Variants in SNAP91 observed in about 807,000 individuals in gnomAD.
The protein encoded by SNAP91 is synaptosome associated protein 91.
A neutral mutation model predicts 100.3 loss-of-function variants in SNAP91; 27 were observed. That is an observed-to-expected ratio of 0.27 (90% CI 0.20 to 0.37). SNAP91 has a LOEUF of 0.37. Ranked by LOEUF, SNAP91 falls within the 10% of genes least tolerant of loss-of-function variation. The pLI is 1.00. For synonymous variants in SNAP91, 404 were observed against 398.6 expected, an observed-to-expected ratio of 1.01 and a Z score of -0.16; for missense variants, 986 against 1,123.7, an observed-to-expected ratio of 0.88 and a Z score of 1.75.
intron 2 of SNAP91, among the ~76,000 whole-genome samples, chr6:83,701,741 C>T (rs2099313955): frequency 6.6e-6 from 1 of 152,150 alleles, no homozygotes; most frequent in African/African-American, 2.4e-5. Flanking sequence ...AGCCACAGCG[C>T]CTGGTGAAAA....
intron 2 of SNAP91, among the ~76,000 whole-genome samples, chr6:83,703,065 T>G (rs1361317558): frequency 6.6e-6 from 1 of 151,786 alleles, no homozygotes; most frequent in African/African-American, 2.4e-5. Flanking sequence ...CAGAAGTGCA[T>G]CTCCCCCATC....
At chr6:83,623,933 T>C (rs1378753755) in intron 8 of SNAP91, among the ~76,000 whole-genome samples, 1 of 152,108 alleles carries the variant, frequency 6.6e-6, no homozygotes, top group East Asian at 1.9e-4. Flanking sequence ...CATATATCCA[T>C]ATCAACACAC....
chr6:83,608,888 A>G (rs1761231303), intron 12 of SNAP91, among the ~76,000 whole-genome samples: 1 of 152,138 alleles, frequency 6.6e-6, no homozygotes, highest in East Asian at 1.9e-4. Context: ...TCAACTCAGA[A>G]CTCTCTCTTC....
chr6:83,617,136 G>A (rs1158351843), intron 9 of SNAP91, 97 bp from the exon 10 acceptor site: 11 of 657,524 alleles, frequency 1.7e-5, no homozygotes, highest in South Asian at 1.4e-4. Flanking sequence ...GTCTGTGGAT[G>A]GACCCCGATA....
Position 83,645,185 on chromosome 6 carries a change from G to A in SNAP91, c.659-3983C>T, listed in dbSNP as rs541348928. 3.6e-4 allele frequency among the ~76,000 whole-genome samples: 55 copies of A among 151,846 alleles called. 1 individual carries two copies. The South Asian group carries it at 8.1e-3, about 22-fold the overall frequency. ...ACACTGCTTAAAGTACTTTTTCCTT[G>A]TCTTCTGCAAATGGACCTTTACCAT... On this transcript the variant is annotated intron_variant, in intron 7 of 29. Coordinates refer to ENST00000369694, the MANE Select transcript of SNAP91 (RefSeq NM_001242792.2).
chr6:83,688,586 C>T (rs917921820), intron 2 of SNAP91, among the ~76,000 whole-genome samples: 9 of 151,414 alleles, frequency 5.9e-5, no homozygotes, highest in South Asian at 2.1e-4. Flanking sequence ...TCACTGCAGC[C>T]GCCACATCCC....
At chr6:83,677,090 G>C (rs1418980126) in intron 2 of SNAP91, among the ~76,000 whole-genome samples, 1 of 152,140 alleles carries the variant, frequency 6.6e-6, no homozygotes, top group Admixed American at 6.6e-5. Flanking sequence ...CTTGTATCTA[G>C]TTCATGTTTC....
At chr6:83,607,577 A>C in intron 13 of SNAP91, 122 bp downstream of exon 13, 1 of 580,918 alleles carries the variant, frequency 1.7e-6, no homozygotes, top group Non-Finnish European at 2.9e-6. Flanking sequence ...TGTGTAGTAA[A>C]AACTTCAACA....
intron 8 of SNAP91, among the ~76,000 whole-genome samples, chr6:83,637,072 C>T (rs1034503947): frequency 6.6e-6 from 1 of 152,134 alleles, no homozygotes; most frequent in East Asian, 1.9e-4. Flanking sequence ...ACATCAGGGC[C>T]AGCAGATATA....
intron 16 of SNAP91, among the ~76,000 whole-genome samples, chr6:83,598,945 A>T (rs1405686232): frequency 1.3e-5 from 2 of 152,196 alleles, no homozygotes; most frequent in Non-Finnish European, 1.5e-5. Context: ...CAATAAAATA[A>T]TTATGATGTG....
At chr6:83,694,871 C>A (rs1003035032) in intron 2 of SNAP91, among the ~76,000 whole-genome samples, 1 of 152,142 alleles carries the variant, frequency 6.6e-6, no homozygotes, top group African/African-American at 2.4e-5. Flanking sequence ...ACACAACAGT[C>A]ATGACTAATA....
rs529037438 is a variant in SNAP91, at chr6:83,672,165, T to C, written c.131-6584A>G. 2.0e-5 allele frequency among the ~76,000 whole-genome samples: 3 copies of C among 152,302 alleles called. No homozygotes were observed. The South Asian group carries it at 6.2e-4, about 32-fold the overall frequency. ...ACAAAATTATGATACCTTTACGTGC[T>C]ATTCTCATTGCCTAGAACGTCTCTG... On this transcript the variant is annotated intron_variant, in intron 2 of 29. Coordinates refer to ENST00000369694, the MANE Select transcript of SNAP91 (RefSeq NM_001242792.2).
rs1195708711 is a variant in SNAP91, at chr6:83,625,318, CT to C, written c.766-1977del. ...ATGGGCACCTAGGTTGATTCCATGTCTTTGCTATTTGAATAGTGCTGCAATG... is the reference window on the plus strand; with the variant it reads ...ATGGGCACCTAGGTTGATTCCATGTCTTGCTATTTGAATAGTGCTGCAATG... On this transcript the variant is annotated intron_variant, in intron 8 of 29. Transcript: ENST00000369694. 3.9e-5 allele frequency among the ~76,000 whole-genome samples: 6 copies of C among 152,186 alleles called. No individual in the cohort carries two copies. The East Asian group carries it at 1.2e-3, about 29-fold the overall frequency.
At chr6:83,573,155 T>C (rs1327564639) in intron 26 of SNAP91, among the ~76,000 whole-genome samples, 2 of 152,042 alleles carry the variant, frequency 1.3e-5, no homozygotes, top group Non-Finnish European at 2.9e-5. Context: ...GCCACACCAA[T>C]AACAGACAAA....
Position 83,575,018 on chromosome 6 carries a change from C to T in SNAP91, c.2434G>A (p.Ala812Thr), listed in dbSNP as rs1190274658. The change falls in exon 26 of 30, where the codon GCA becomes ACA. Residue 812 changes from alanine to threonine, a missense_variant. Coordinates refer to ENST00000369694, the MANE Select transcript of SNAP91 (RefSeq NM_001242792.2). ...CTCTGATTGCTACATACCAAAGGTG[C>T]ACTTGGTGGAACGCCTGCTGACCAG... ...ATWSAGVPPS[A>T]PLQGAVPPTS... 1.5e-5 allele frequency: 24 copies of T among 1,590,044 alleles called. No homozygotes were observed. Among genetic ancestry groups the T allele is most frequent in the Non-Finnish European group, 2.0e-5 (23 of 1,166,524 alleles).
chr6:83,663,646 G>A (rs1204671770), intron 3 of SNAP91, among the ~76,000 whole-genome samples: 7 of 152,108 alleles, frequency 4.6e-5, no homozygotes, highest in Non-Finnish European at 8.8e-5. Context: ...GTTAGTTCAT[G>A]AGGTTTAAGG....
intron 26 of SNAP91, among the ~76,000 whole-genome samples, chr6:83,571,403 C>T (rs1014454219): frequency 3.3e-5 from 5 of 151,976 alleles, no homozygotes; most frequent in African/African-American, 9.7e-5. Context: ...ATGCCTGGCC[C>T]GGGAGCCCAC....
chr6:83,592,569 A>C (rs1218938234), intron 20 of SNAP91, 31 bp from the exon 21 acceptor site: 4 of 1,556,726 alleles, frequency 2.6e-6, no homozygotes. Context: ...GAAAAAGTGC[A>C]TGTCACCCAA....
intron 22 of SNAP91, among the ~76,000 whole-genome samples, chr6:83,589,914 T>C (rs1249471018): frequency 6.6e-6 from 1 of 152,196 alleles, no homozygotes; most frequent in Non-Finnish European, 1.5e-5. Flanking sequence ...GTTTATTGTA[T>C]AACTTGTAAT....
Sources: gnomAD v4.1 joint callset for allele counts (sites outside exome capture counted in the v4.1 genomes callset) on GRCh38, gnomAD v4.1.1 for gene constraint, MANE v1.5 for transcripts, NCBI Gene and HGNC (gene_info 2026-07-23, HGNC 2026-07-21) for gene names.